The following ADAM22 variants were observed in gnomAD, a reference collection of about 807,000 sequenced individuals.
The protein encoded by ADAM22 is disintegrin and metalloproteinase domain-containing protein 22.
Under a neutral mutation model 144.6 loss-of-function variants are expected in ADAM22, and 65 were observed. The observed-to-expected ratio is 0.45, with a 90% CI of 0.37 to 0.55. ADAM22 has a LOEUF of 0.55. Among genes scored for constraint, ADAM22 ranks in the 20% least tolerant of loss-of-function variants. ADAM22 has a pLI of 0.00. For synonymous variants in ADAM22, 391 were observed against 412.6 expected, an observed-to-expected ratio of 0.95 and a Z score of 0.63; for missense variants, 974 against 1,184.9, an observed-to-expected ratio of 0.82 and a Z score of 2.61.
intron 25 of ADAM22, among the ~76,000 whole-genome samples, chr7:88,169,374 T>C (rs1232049052): frequency 6.6e-6 from 1 of 152,092 alleles, no homozygotes; most frequent in Non-Finnish European, 1.5e-5. Flanking sequence ...TTTTCCCTGA[T>C]TAAATGAGCA....
chr7:88,020,971 C>A (rs1410991843), intron 3 of ADAM22, among the ~76,000 whole-genome samples: 1 of 152,040 alleles, frequency 6.6e-6, no homozygotes, highest in Non-Finnish European at 1.5e-5. Context: ...AGTCAGAAAC[C>A]CCTGAGAGGA....
At chr7:87,982,066 TATACACACACAC>T (rs1451645987) in intron 3 of ADAM22, among the ~76,000 whole-genome samples, 1 of 86,466 alleles carries the variant, frequency 1.2e-5, no homozygotes, top group Non-Finnish European at 2.1e-5. Context: ...TATATATATA[TATACACACACAC>T]ACACACACAC....
At chr7:88,120,838 C>A (rs1829102678) in intron 7 of ADAM22, among the ~76,000 whole-genome samples, 1 of 152,116 alleles carries the variant, frequency 6.6e-6, no homozygotes, top group African/African-American at 2.4e-5. Flanking sequence ...TTTGCTAGCT[C>A]CCAAGTTTTG....
intron 22 of ADAM22, among the ~76,000 whole-genome samples, chr7:88,161,584 A>G (rs1841651570): frequency 6.6e-6 from 1 of 152,168 alleles, no homozygotes; most frequent in African/African-American, 2.4e-5. Flanking sequence ...CAAAGGTCTA[A>G]TATCCAGCAT....
At chr7:88,039,111 C>G (rs1000486818) in intron 3 of ADAM22, among the ~76,000 whole-genome samples, 1 of 151,866 alleles carries the variant, frequency 6.6e-6, no homozygotes, top group East Asian at 1.9e-4. Context: ...GGATGGTAGT[C>G]ATAATCATCA....
intron 5 of ADAM22, among the ~76,000 whole-genome samples, chr7:88,108,667 T>A (rs894810660): frequency 2.2e-4 from 34 of 152,014 alleles, no homozygotes; most frequent in Non-Finnish European, 2.5e-4. Context: ...AGGTGAAGGT[T>A]GCAGTGAGCC....
At chr7:88,152,181 T>C (rs78797249) in intron 20 of ADAM22, among the ~76,000 whole-genome samples, 3 of 152,214 alleles carry the variant, frequency 2.0e-5, no homozygotes, top group Admixed American at 2.0e-4. Context: ...AAAGATATCA[T>C]TTTTGTTTTA....
intron 21 of ADAM22, among the ~76,000 whole-genome samples, chr7:88,155,538 A>G (rs2129527578): frequency 6.6e-6 from 1 of 151,898 alleles, no homozygotes; most frequent in Non-Finnish European, 1.5e-5. Flanking sequence ...AAAAAAAAAA[A>G]AAAGAAGAAG....
intron 3 of ADAM22, among the ~76,000 whole-genome samples, chr7:88,038,788 T>C (rs898505961): frequency 2.7e-5 from 4 of 150,696 alleles, no homozygotes; most frequent in East Asian, 1.9e-4. Flanking sequence ...TCTTCTTCTT[T>C]TTTTTTTTTT....
intron 3 of ADAM22, among the ~76,000 whole-genome samples, chr7:88,050,991 A>T (rs193145277): frequency 6.6e-6 from 1 of 152,304 alleles, no homozygotes; most frequent in East Asian, 1.9e-4. Flanking sequence ...TTATGGTTTT[A>T]GGTCTGACAT....
At chr7:88,066,356 T>C (rs923150967) in intron 3 of ADAM22, among the ~76,000 whole-genome samples, 2 of 151,716 alleles carry the variant, frequency 1.3e-5, no homozygotes, top group African/African-American at 2.4e-5. Flanking sequence ...GAGTCAATGA[T>C]CACTCTATGA....
At chr7:88,028,746 C>T (rs1033890183) in intron 3 of ADAM22, among the ~76,000 whole-genome samples, 1 of 151,926 alleles carries the variant, frequency 6.6e-6, no homozygotes, top group Admixed American at 6.6e-5. Flanking sequence ...ACCCTTTTCT[C>T]ATTATATAAT....
intron 3 of ADAM22, among the ~76,000 whole-genome samples, chr7:88,048,704 T>C (rs1316244087): frequency 6.6e-6 from 1 of 152,142 alleles, no homozygotes; most frequent in East Asian, 1.9e-4. Context: ...CTATTTTTTA[T>C]ATACAGGGTG....
intron 3 of ADAM22, among the ~76,000 whole-genome samples, chr7:88,053,240 T>G (rs1183203408): frequency 6.6e-6 from 1 of 151,892 alleles, no homozygotes; most frequent in Non-Finnish European, 1.5e-5. Flanking sequence ...CCTACTGATA[T>G]CTCTTAGCAA....
At chr7:88,072,018 T>G (rs2129479108) in intron 3 of ADAM22, among the ~76,000 whole-genome samples, 1 of 152,274 alleles carries the variant, frequency 6.6e-6, no homozygotes. Context: ...GAAAATTAAC[T>G]TAGGTTCTAA....
chr7:88,049,145 A>G (rs1805490131), intron 3 of ADAM22, among the ~76,000 whole-genome samples: 1 of 152,200 alleles, frequency 6.6e-6, no homozygotes, highest in Non-Finnish European at 1.5e-5. Flanking sequence ...TTGTTCTCAG[A>G]AGAGGCCTCC....
intron 31 of ADAM22, among the ~76,000 whole-genome samples, chr7:88,195,080 T>G (rs1426931111): frequency 6.6e-6 from 1 of 152,182 alleles, no homozygotes; most frequent in Non-Finnish European, 1.5e-5. Flanking sequence ...CTTTTTCTCC[T>G]TTTTCTTTCC....
intron 20 of ADAM22, among the ~76,000 whole-genome samples, chr7:88,152,901 G>A (rs570783462): frequency 2.6e-4 from 40 of 152,138 alleles, no homozygotes; most frequent in South Asian, 1.9e-3. Flanking sequence ...GGGTGGTCTC[G>A]ATCTCCTGAC....
chr7:88,073,469 C>T (rs2129479736), intron 3 of ADAM22, among the ~76,000 whole-genome samples: 1 of 152,236 alleles, frequency 6.6e-6, no homozygotes. Flanking sequence ...CCTGGAACTG[C>T]CCTGATGTCA....
Sources: allele counts gnomAD v4.1 joint callset (sites outside exome capture counted in the v4.1 genomes callset), GRCh38; gene constraint gnomAD v4.1.1; transcripts MANE v1.5; gene names NCBI Gene and HGNC (gene_info 2026-07-23, HGNC 2026-07-21).